The following BACH2 variants were observed in gnomAD, a reference collection of about 807,000 sequenced individuals.
BACH2 encodes the protein BACH transcriptional regulator 2.
A neutral mutation model predicts 61.8 loss-of-function variants in BACH2; 5 were observed. That is an observed-to-expected ratio of 0.08 (90% CI 0.04 to 0.17). The LOEUF (loss-of-function observed/expected upper bound fraction) is 0.17, where lower values mean the gene tolerates loss of function less well. BACH2 is among the 10% of genes least tolerant of loss of function. The pLI is 1.00. For synonymous variants in BACH2, 446 were observed against 440.1 expected, an observed-to-expected ratio of 1.01 and a Z score of -0.17; for missense variants, 824 against 1,091.1, an observed-to-expected ratio of 0.76 and a Z score of 3.45.
At chr6:90,157,032 G>T (rs945117413) in intron 4 of BACH2, among the ~76,000 whole-genome samples, 1 of 152,152 alleles carries the variant, frequency 6.6e-6, no homozygotes, top group African/African-American at 2.4e-5. Flanking sequence ...CAAACCTGCC[G>T]CACTCTTCAA....
intron 4 of BACH2, among the ~76,000 whole-genome samples, chr6:90,121,020 T>C (rs1036769729): frequency 3.9e-5 from 6 of 152,148 alleles, no homozygotes; most frequent in African/African-American, 9.7e-5. Flanking sequence ...CTGTGAAAGA[T>C]TGGGGAAATA....
chr6:90,036,808 A>C (rs1779285356), intron 5 of BACH2, among the ~76,000 whole-genome samples: 1 of 152,194 alleles, frequency 6.6e-6, no homozygotes, highest in Admixed American at 6.5e-5. Flanking sequence ...CATGTAAACC[A>C]AATCTTATCA....
rs11287444 is a variant in BACH2 at position 89,980,902 on chromosome 6, GTT to G, written c.243+27698_243+27699del. 9.3e-3 allele frequency among the ~76,000 whole-genome samples: 1,374 copies of G among 147,286 alleles called. 25 individuals are homozygous for G. The highest frequency in any genetic ancestry group is 0.032 in the African/African-American group (1,301 of 40,308). On this transcript the variant is annotated intron_variant, in intron 6 of 8. Transcript: ENST00000257749. ...TGACTGTGTATGGTGTTAATTTTCAGTTTTTTTTTTTTTAACCAGTGAATGGG... is the reference window on the plus strand; with the variant it reads ...TGACTGTGTATGGTGTTAATTTTCAGTTTTTTTTTTTAACCAGTGAATGGG...
At chr6:89,962,781 G>A (rs1222553726) in intron 6 of BACH2, among the ~76,000 whole-genome samples, 2 of 152,132 alleles carry the variant, frequency 1.3e-5, no homozygotes, top group Non-Finnish European at 2.9e-5. Context: ...GAAAACATGG[G>A]GGAAAAGCTT....
intron 3 of BACH2, among the ~76,000 whole-genome samples, chr6:90,211,750 C>T (rs534359017): frequency 2.0e-5 from 3 of 152,230 alleles, no homozygotes; most frequent in Non-Finnish European, 4.4e-5. Flanking sequence ...TTCTAGAAGC[C>T]TTCAGTAATA....
intron 4 of BACH2, among the ~76,000 whole-genome samples, chr6:90,198,851 T>C (rs556934996): frequency 8.5e-5 from 13 of 152,318 alleles, no homozygotes; most frequent in South Asian, 8.3e-4. Flanking sequence ...AATTCCCACA[T>C]ATCATAGGAG....
intron 5 of BACH2, among the ~76,000 whole-genome samples, chr6:90,023,506 C>A (rs1778487708): frequency 6.6e-6 from 1 of 152,186 alleles, no homozygotes; most frequent in Admixed American, 6.5e-5. Flanking sequence ...TACCACCATG[C>A]TTCCTGTACA....
At chr6:90,280,099 G>A (rs1485993751) in intron 1 of BACH2, among the ~76,000 whole-genome samples, 1 of 151,990 alleles carries the variant, frequency 6.6e-6, no homozygotes, top group Non-Finnish European at 1.5e-5. Flanking sequence ...TTCCCATAAG[G>A]TCAAAATATG....
intron 4 of BACH2, among the ~76,000 whole-genome samples, chr6:90,186,933 G>A (rs1248323376): frequency 6.6e-6 from 1 of 152,156 alleles, no homozygotes; most frequent in Admixed American, 6.5e-5. Context: ...AACCACTAAG[G>A]ACTTGTTCAC....
Position 90,007,845 on chromosome 6 carries a change from C to T in BACH2, c.243+757G>A, listed in dbSNP as rs1777494480. On this transcript the variant is annotated intron_variant, in intron 6 of 8. Transcript: ENST00000257749. ...GGTGGTACACAGGGAATGATTCTGC[C>T]CGAACACAAAGTATTATCCTTAGTC... Among the ~76,000 whole-genome samples, 8 of 152,150 alleles carry T rather than the reference C, an allele frequency of 5.3e-5. 1 individual carries two copies. The highest frequency in any genetic ancestry group is 5.2e-4 in the Admixed American group (8 of 15,282).
intron 5 of BACH2, among the ~76,000 whole-genome samples, chr6:90,060,178 A>G (rs1425023417): frequency 1.3e-5 from 2 of 151,830 alleles, no homozygotes; most frequent in African/African-American, 4.8e-5. Context: ...ACAAAAGATA[A>G]AACTCTTCAC....
chr6:90,193,939 C>A (rs1204003852), intron 4 of BACH2, among the ~76,000 whole-genome samples: 1 of 152,164 alleles, frequency 6.6e-6, no homozygotes, highest in Non-Finnish European at 1.5e-5. Flanking sequence ...GGGGTAAATT[C>A]TCTCAAATCC....
chr6:90,136,574 G>A (rs1784278688), intron 4 of BACH2, among the ~76,000 whole-genome samples: 1 of 152,146 alleles, frequency 6.6e-6, no homozygotes, highest in Non-Finnish European at 1.5e-5. Context: ...TTATAAATGT[G>A]ATGCAGAAAA....
chr6:90,007,136 G>A (rs951000763), intron 6 of BACH2, among the ~76,000 whole-genome samples: 12 of 151,890 alleles, frequency 7.9e-5, no homozygotes, highest in South Asian at 2.1e-4. Flanking sequence ...GTGCAATGGC[G>A]TGATCTCAGC....
At chr6:90,031,071 A>C (rs1582231055) in intron 5 of BACH2, among the ~76,000 whole-genome samples, 1 of 151,352 alleles carries the variant, frequency 6.6e-6, no homozygotes, top group Non-Finnish European at 1.5e-5. Context: ...AATAAACATA[A>C]TCCAACATAT....
chr6:90,223,716 C>A (rs1246086564), intron 3 of BACH2, among the ~76,000 whole-genome samples: 2 of 152,050 alleles, frequency 1.3e-5, no homozygotes, highest in Admixed American at 6.6e-5. Flanking sequence ...CTCAAGCAAT[C>A]CACCTGCCCT....
At chr6:90,181,364 T>A (rs1768156274) in intron 4 of BACH2, among the ~76,000 whole-genome samples, 1 of 151,932 alleles carries the variant, frequency 6.6e-6, no homozygotes, top group South Asian at 2.1e-4. Context: ...ATTGTACATT[T>A]ACATAAACAG....
At chr6:90,295,379 C>T (rs2127896105) in intron 1 of BACH2, among the ~76,000 whole-genome samples, 1 of 152,334 alleles carries the variant, frequency 6.6e-6, no homozygotes, top group Admixed American at 6.5e-5. Flanking sequence ...CCCGGCCCTG[C>T]ACGCTTCCCC....
chr6:90,116,856 T>C, intron 4 of BACH2: 2 of 616,616 alleles, frequency 3.2e-6, no homozygotes, highest in Non-Finnish European at 5.0e-6. Context: ...GAGCACGCTT[T>C]GATATTTGAT....
Sources: gnomAD v4.1 joint callset for allele counts (sites outside exome capture counted in the v4.1 genomes callset) on GRCh38, gnomAD v4.1.1 for gene constraint, MANE v1.5 for transcripts, NCBI Gene and HGNC (gene_info 2026-07-23, HGNC 2026-07-21) for gene names.